The following ATP13A5 variants were observed in gnomAD, a reference collection of about 807,000 sequenced individuals.
The protein encoded by ATP13A5 is probable cation-transporting ATPase 13A5.
In ATP13A5, 149 loss-of-function variants were observed where a neutral mutation model predicts 150.2. That is an observed-to-expected ratio of 0.99 (90% CI 0.87 to 1.14). ATP13A5 has a LOEUF of 1.14. ATP13A5 is among the 50% of genes most tolerant of loss of function. The pLI is 0.00. For synonymous variants in ATP13A5, 497 were observed against 522.2 expected, an observed-to-expected ratio of 0.95 and a Z score of 0.66; for missense variants, 1,383 against 1,449.3, an observed-to-expected ratio of 0.95 and a Z score of 0.74.
intron 25 of ATP13A5, 146 bp downstream of exon 25, chr3:193,298,985 C>A (rs1718282771): frequency 3.3e-6 from 2 of 609,050 alleles, no homozygotes; most frequent in African/African-American, 1.9e-5. Flanking sequence ...TCTCAACTTA[C>A]TCCCAATATC....
intron 6 of ATP13A5, among the ~76,000 whole-genome samples, chr3:193,353,704 G>C (rs1266169509): frequency 6.6e-6 from 1 of 152,222 alleles, no homozygotes; most frequent in Non-Finnish European, 1.5e-5. Flanking sequence ...AAAGAACACA[G>C]TAGTCTGCAC....
At chr3:193,332,253 T>C (rs1302852134) in intron 11 of ATP13A5, among the ~76,000 whole-genome samples, 1 of 152,228 alleles carries the variant, frequency 6.6e-6, no homozygotes, top group Non-Finnish European at 1.5e-5. Flanking sequence ...CATGTTTTGC[T>C]TCTGCTTTGC....
At position 193,344,258 on chromosome 3, in the gene ATP13A5, A is replaced by G. The variant is rs116640926; in HGVS notation, c.815-203T>C. On this transcript the variant is annotated intron_variant, in intron 8 of 29. Transcript: ENST00000342358. ...CCTGGGACTCAGAAAAGGATTAGCT[A>G]AGCAACAGGATCCCATCTTGATCCT... Among the ~76,000 whole-genome samples the G allele has an allele frequency of 6.8e-3, 1,041 of 152,316 alleles. 10 individuals are homozygous for G. The highest frequency in any genetic ancestry group is 0.024 in the African/African-American group (981 of 41,576).
At chr3:193,277,026 A>G (rs1717248748) in intron 28 of ATP13A5, among the ~76,000 whole-genome samples, 196 bp from the exon 29 acceptor site, 1 of 152,204 alleles carries the variant, frequency 6.6e-6, no homozygotes, top group Non-Finnish European at 1.5e-5. Flanking sequence ...TCAAAGGAGA[A>G]TGGACTACCT....
chr3:193,279,443 A>G lies in ATP13A5; in HGVS notation c.3238T>C (p.Phe1080Leu), dbSNP rs1337362319. ...AGGCCCAAGGCAGCTAGCAGCAGAA[A>G]TGAAAATATATCTGAGGAAATACCA... ...KPIYTNYIFS[F>L]LLLAALGLTI... Residue 1080 changes from phenylalanine (F) to leucine (L), a missense_variant, in exon 28 of 30, where the codon TTT becomes CTT. Phe to Leu is a conservative substitution (Grantham distance 22, BLOSUM62 0). Transcript: ENST00000342358. 2 of 1,613,204 alleles carry G rather than the reference A, an allele frequency of 1.2e-6. No homozygotes were observed. Among genetic ancestry groups the G allele is most frequent in the African/African-American group, 2.7e-5 (2 of 75,030 alleles).
intron 5 of ATP13A5, among the ~76,000 whole-genome samples, chr3:193,357,332 G>T (rs924697228): frequency 6.6e-6 from 1 of 152,044 alleles, no homozygotes; most frequent in African/African-American, 2.4e-5. Context: ...CCATGAGGAC[G>T]GGGATCCAGT....
intron 5 of ATP13A5, among the ~76,000 whole-genome samples, chr3:193,356,525 G>A (rs1712796747): frequency 1.3e-5 from 2 of 152,074 alleles, no homozygotes; most frequent in African/African-American, 4.8e-5. Context: ...CAGGAGGACT[G>A]CTTGACCTCA....
intron 11 of ATP13A5, among the ~76,000 whole-genome samples, chr3:193,332,199 G>A (rs1200320106): frequency 1.3e-5 from 2 of 152,290 alleles, no homozygotes; most frequent in East Asian, 3.9e-4. Flanking sequence ...GTTTATAAAT[G>A]GGATTTCCCC....
chr3:193,339,953 T>C (rs1712052215), intron 9 of ATP13A5, among the ~76,000 whole-genome samples: 1 of 152,188 alleles, frequency 6.6e-6, no homozygotes, highest in South Asian at 2.1e-4. Context: ...CCAGAGATAA[T>C]AGTCAGATGA....
At chr3:193,313,774 G>A (rs1718941437) in intron 19 of ATP13A5, 1 of 396,612 alleles carries the variant, frequency 2.5e-6, no homozygotes, top group African/African-American at 2.0e-5. Flanking sequence ...GGAATTGCTG[G>A]GAAAAGCACC....
At chr3:193,344,763 T>C (rs1712265988) in intron 8 of ATP13A5, among the ~76,000 whole-genome samples, 1 of 152,136 alleles carries the variant, frequency 6.6e-6, no homozygotes, top group Non-Finnish European at 1.5e-5. Context: ...AAGCAAGCTG[T>C]CCAGTGTACA....
intron 14 of ATP13A5, chr3:193,323,909 T>C (rs1719377692): frequency 6.6e-6 from 1 of 152,222 alleles, no homozygotes; most frequent in Non-Finnish European, 1.5e-5. Flanking sequence ...TGCTGTACTG[T>C]ATTTTATACA....
chr3:193,325,277 C>A (rs1719429707), intron 13 of ATP13A5, among the ~76,000 whole-genome samples: 1 of 152,214 alleles, frequency 6.6e-6, no homozygotes, highest in African/African-American at 2.4e-5. Flanking sequence ...AAACTTCTTG[C>A]TATTGCTATG....
chr3:193,284,033 T>TTAC (rs1432457345), intron 27 of ATP13A5, among the ~76,000 whole-genome samples: 1 of 145,330 alleles, frequency 6.9e-6, no homozygotes, highest in Non-Finnish European at 1.5e-5. Context: ...ATTATTATTA[T>TTAC]TTTTTGAGAC....
At chr3:193,278,540 C>A (rs1239591182) in intron 28 of ATP13A5, among the ~76,000 whole-genome samples, 1 of 152,158 alleles carries the variant, frequency 6.6e-6, no homozygotes, top group Non-Finnish European at 1.5e-5. Flanking sequence ...ATTTGCATTT[C>A]TAAAACAAAA....
At chr3:193,333,387 C>T (rs551362629) in intron 11 of ATP13A5, among the ~76,000 whole-genome samples, 22 of 152,194 alleles carry the variant, frequency 1.4e-4, no homozygotes, top group Non-Finnish European at 2.4e-4. Context: ...TCTTTAGTGA[C>T]AACCCTTCCC....
rs115922630 is a variant in ATP13A5, at chr3:193,290,839, T to G, written c.2849-780A>C. ...AACATGCTGATGAAAATGAAATGTA[T>G]TTGCTTCTCAAGGCAGAGCAGGAAG... On this transcript the variant is annotated intron_variant, in intron 25 of 29. Coordinates refer to ENST00000342358, the MANE Select transcript of ATP13A5 (RefSeq NM_198505.4). 6.0e-3 allele frequency among the ~76,000 whole-genome samples: 921 copies of G among 152,250 alleles called. 10 individuals carry two copies. Among genetic ancestry groups the G allele is most frequent in the African/African-American group, 0.021 (870 of 41,564 alleles).
intron 19 of ATP13A5, chr3:193,313,481 A>C (rs1372044087): frequency 6.6e-6 from 1 of 152,236 alleles, no homozygotes; most frequent in Non-Finnish European, 1.5e-5. Flanking sequence ...CTGTCACAAG[A>C]GCATAGGGAG....
chr3:193,356,747 T>C (rs1712806091), intron 5 of ATP13A5, among the ~76,000 whole-genome samples: 1 of 152,240 alleles, frequency 6.6e-6, no homozygotes, highest in South Asian at 2.1e-4. Context: ...CATTAAAGTA[T>C]AATGTATACT....
Sources: gnomAD v4.1 joint callset for allele counts (sites outside exome capture counted in the v4.1 genomes callset) on GRCh38, gnomAD v4.1.1 for gene constraint, MANE v1.5 for transcripts, NCBI Gene and HGNC (gene_info 2026-07-23, HGNC 2026-07-21) for gene names.